CMTM7: variants seen among roughly 807,000 people sequenced by gnomAD.
The protein encoded by CMTM7 is CKLF-like MARVEL transmembrane domain-containing protein 7.
In CMTM7, 7 loss-of-function variants were observed where a neutral mutation model predicts 19.3. That is an observed-to-expected ratio of 0.36 (90% CI 0.21 to 0.68). The LOEUF (loss-of-function observed/expected upper bound fraction) is 0.68. Among genes scored for constraint, CMTM7 ranks in the 30% least tolerant of loss-of-function variants. The pLI, the probability that CMTM7 is intolerant of heterozygous loss-of-function variation, is 0.60. For missense variants in CMTM7, 193 were observed against 232.6 expected (o/e 0.83, Z 1.11); for synonymous variants, 87 against 99.3 (o/e 0.88, Z 0.74).
chr3:32,405,421 C>T (rs1020287455), intron 1 of CMTM7, among the ~76,000 whole-genome samples: 1 of 152,210 alleles, frequency 6.6e-6, no homozygotes, highest in African/African-American at 2.4e-5. Flanking sequence ...ATGTTTATCA[C>T]TGGGCTGTGG....
At chr3:32,444,253 T>A (rs1696722366) in intron 2 of CMTM7, among the ~76,000 whole-genome samples, 1 of 152,224 alleles carries the variant, frequency 6.6e-6, no homozygotes, top group Non-Finnish European at 1.5e-5. Flanking sequence ...AGGTAAGGGT[T>A]CAATTTCATT....
intron 3 of CMTM7, chr3:32,451,052 C>T (rs1435762741): frequency 6.6e-6 from 1 of 152,142 alleles, no homozygotes; most frequent in Non-Finnish European, 1.5e-5. Context: ...GCAGTGCAGA[C>T]AGTTGGGGAC....
chr3:32,402,005 G>A (rs540467166), intron 1 of CMTM7, among the ~76,000 whole-genome samples: 131 of 152,358 alleles, frequency 8.6e-4, no homozygotes, highest in African/African-American at 3.0e-3. Flanking sequence ...GCAGTGACGC[G>A]GCTCTTCCTT....
At chr3:32,451,697 A>G (rs977126012) in intron 3 of CMTM7, 5 of 190,166 alleles carry the variant, frequency 2.6e-5, no homozygotes, top group Non-Finnish European at 5.4e-5. Context: ...AGAAGAAGCT[A>G]CTGCCTCTTC....
intron 1 of CMTM7, among the ~76,000 whole-genome samples, chr3:32,417,416 A>G (rs1369192575): frequency 2.0e-5 from 3 of 152,254 alleles, no homozygotes; most frequent in Admixed American, 1.3e-4. Flanking sequence ...TATTCTTTCT[A>G]TTACTGAGTA....
At position 32,453,516 on chromosome 3, in the gene CMTM7, G is replaced by A. The variant is rs969552131; in HGVS notation, c.515-725G>A. Among the ~76,000 whole-genome samples, 9 of 152,110 alleles carry A rather than the reference G, an allele frequency of 5.9e-5. No individual in the cohort carries two copies. The East Asian group carries it at 1.5e-3, about 26-fold the overall frequency. ...CGTGGGTTGCAGCATTAAGTCCATC[G>A]CATGACTGTGCAGTTTATTTAACTT... On this transcript the variant is annotated intron_variant, in intron 4 of 4. Transcript: ENST00000334983.
rs1696879528 is a variant in CMTM7 at position 32,454,377 on chromosome 3, G to T, written c.*123G>T. 8.4e-7 allele frequency: 1 copy of T among 1,184,860 alleles called. No homozygotes were observed. The highest frequency in any genetic ancestry group is 2.5e-5 in the East Asian group (1 of 40,238). The allele number at this position is 1,184,860 out of a possible 1,614,324, so 73.4% of individuals were successfully genotyped here. A position where few individuals can be genotyped will look rare whatever the true frequency, so the allele number is the denominator to read the frequency against. On this transcript the variant is annotated 3_prime_UTR_variant, in exon 5 of 5. Transcript: ENST00000334983. Reference sequence around the variant, plus strand: ...GTCAGGCTGGTGGGCACCAGGAAAGGCCTGCACCCTCTTCCTGCTCTCCCA... The same window carrying T: ...GTCAGGCTGGTGGGCACCAGGAAAGTCCTGCACCCTCTTCCTGCTCTCCCA...
intron 1 of CMTM7, among the ~76,000 whole-genome samples, chr3:32,435,112 T>C (rs888737455): frequency 6.6e-6 from 1 of 152,186 alleles, no homozygotes; most frequent in Non-Finnish European, 1.5e-5. Context: ...ATCAGAAATA[T>C]TCATACAGAG....
chr3:32,442,325 C>T (rs1326774586), intron 2 of CMTM7, among the ~76,000 whole-genome samples: 1 of 151,522 alleles, frequency 6.6e-6, no homozygotes, highest in African/African-American at 2.4e-5. Context: ...GGTGAAACCC[C>T]GTCTCTACTA....
Position 32,449,673 on chromosome 3 carries a change from C to T in CMTM7, c.432+121C>T. Reference sequence around the variant, plus strand: ...ATTCCCTTCATAGAATCAATACCTACCTTGATCCAGCCATCAGCTCTCTCC... The same window carrying T: ...ATTCCCTTCATAGAATCAATACCTATCTTGATCCAGCCATCAGCTCTCTCC... On this transcript the variant is annotated intron_variant, in intron 3 of 4. Coordinates refer to ENST00000334983, the MANE Select transcript of CMTM7 (RefSeq NM_138410.4). The surrounding 1 kb of genome is among the most constrained non-coding windows in gnomAD (Gnocchi z 4.5). The T allele has an allele frequency of 2.6e-6, 2 of 769,832 alleles. No homozygotes were observed. The highest frequency in any genetic ancestry group is 4.6e-6 in the Non-Finnish European group (2 of 436,032). 47.7% of individuals were successfully genotyped at this position (769,832 alleles called of 1,614,324 possible). A position where few individuals can be genotyped will look rare whatever the true frequency, so the allele number is the denominator to read the frequency against.
chr3:32,450,806 T>C (rs1696818179), intron 3 of CMTM7, among the ~76,000 whole-genome samples: 1 of 152,206 alleles, frequency 6.6e-6, no homozygotes, highest in Non-Finnish European at 1.5e-5. Context: ...GTAATTCAGG[T>C]TGCACATAAC....
intron 1 of CMTM7, among the ~76,000 whole-genome samples, chr3:32,436,625 C>T (rs1438219646): frequency 6.6e-6 from 1 of 152,148 alleles, no homozygotes; most frequent in Non-Finnish European, 1.5e-5. Flanking sequence ...TGCTTTCTCT[C>T]ACTGAAGTAT....
At chr3:32,440,650 C>T (rs889251555) in intron 1 of CMTM7, among the ~76,000 whole-genome samples, 3 of 152,138 alleles carry the variant, frequency 2.0e-5, no homozygotes, top group Non-Finnish European at 2.9e-5. Context: ...TGATGGCACA[C>T]GCCTGTAATC....
At chr3:32,450,976 A>G (rs1244452368) in intron 3 of CMTM7, 1 of 152,254 alleles carries the variant, frequency 6.6e-6, no homozygotes, top group African/African-American at 2.4e-5. Flanking sequence ...ACATGAAACA[A>G]TTAGTAAACA....
intron 1 of CMTM7, among the ~76,000 whole-genome samples, chr3:32,441,186 G>A (rs1486887307): frequency 6.6e-6 from 1 of 152,186 alleles, no homozygotes; most frequent in African/African-American, 2.4e-5. Flanking sequence ...CTTAGAGTCA[G>A]ACAGACCTGG....
intron 1 of CMTM7, among the ~76,000 whole-genome samples, chr3:32,415,870 G>A (rs1351970170): frequency 1.3e-5 from 2 of 152,210 alleles, no homozygotes; most frequent in African/African-American, 4.8e-5. Context: ...AAGAATATTA[G>A]ATTAGCACAG....
chr3:32,399,258 C>CTTTT (rs1389912596), intron 1 of CMTM7, among the ~76,000 whole-genome samples: 1 of 137,808 alleles, frequency 7.3e-6, no homozygotes, highest in African/African-American at 3.1e-5. Context: ...TTTATGGAAC[C>CTTTT]TTTTGTTTTT....
intron 1 of CMTM7, among the ~76,000 whole-genome samples, chr3:32,426,345 A>G (rs1171595389): frequency 6.6e-6 from 1 of 152,216 alleles, no homozygotes; most frequent in African/African-American, 2.4e-5. Context: ...TTATGTCATG[A>G]ATATTTTCCC....
chr3:32,420,410 T>A (rs1183102982), intron 1 of CMTM7, among the ~76,000 whole-genome samples: 1 of 152,222 alleles, frequency 6.6e-6, no homozygotes, highest in Non-Finnish European at 1.5e-5. Flanking sequence ...AGGTTATTTT[T>A]AAAAAGTGAA....
Sources: allele counts gnomAD v4.1 joint callset (sites outside exome capture counted in the v4.1 genomes callset), GRCh38; gene constraint gnomAD v4.1.1; non-coding constraint Gnocchi (gnomAD v3.1); transcripts MANE v1.5; gene names NCBI Gene and HGNC (gene_info 2026-07-23, HGNC 2026-07-21).